Variants in NCAM2 observed in about 807,000 individuals in gnomAD.
NCAM2 encodes neural cell adhesion molecule 2.
A neutral mutation model predicts 98.1 loss-of-function variants in NCAM2; 30 were observed. That is an observed-to-expected ratio of 0.31 (90% CI 0.23 to 0.41). The LOEUF is 0.41. Ranked by LOEUF, NCAM2 falls within the 10% of genes least tolerant of loss-of-function variation. The pLI is 1.00. For missense variants in NCAM2, 867 were observed against 1,005.8 expected (o/e 0.86, Z 1.87); for synonymous variants, 368 against 342.4 (o/e 1.07, Z -0.83).
chr21:21,490,820 T>TAAG (rs1321881740), intron 15 of NCAM2, among the ~76,000 whole-genome samples: 1 of 151,860 alleles, frequency 6.6e-6, no homozygotes, highest in East Asian at 1.9e-4. Flanking sequence ...AAGTATGCTA[T>TAAG]AAGTGTATTG....
chr21:21,287,791 T>A (rs559650343), intron 4 of NCAM2, among the ~76,000 whole-genome samples: 1 of 152,050 alleles, frequency 6.6e-6, no homozygotes, highest in African/African-American at 2.4e-5. Flanking sequence ...CAGGACTAAA[T>A]GACGTACAGC....
At chr21:21,335,719 T>A (rs770072021) in intron 7 of NCAM2, 54 bp downstream of exon 7, 165 of 1,349,192 alleles carry the variant, frequency 1.2e-4, no homozygotes, top group African/African-American at 2.8e-4. Context: ...AAGATCAGAG[T>A]GAAATTCTAC....
chr21:21,332,679 C>A (rs1231545214), intron 6 of NCAM2, among the ~76,000 whole-genome samples: 1 of 152,100 alleles, frequency 6.6e-6, no homozygotes, highest in Non-Finnish European at 1.5e-5. Flanking sequence ...CTAACCTGCA[C>A]CTTCTGTCGC....
intron 8 of NCAM2, among the ~76,000 whole-genome samples, chr21:21,366,121 T>C (rs1232270865): frequency 6.6e-6 from 1 of 152,074 alleles, no homozygotes; most frequent in Non-Finnish European, 1.5e-5. Context: ...TCCCAAAATA[T>C]TCTGAGTTTC....
intron 1 of NCAM2, among the ~76,000 whole-genome samples, chr21:21,272,502 G>GCA (rs1568867287): frequency 0.046 from 2,561 of 55,674 alleles, 73 homozygotes; most frequent in African/African-American, 0.12. Context: ...ACACATGCGC[G>GCA]CGCGCGCACA....
At chr21:21,165,259 C>T (rs1471982642) in intron 1 of NCAM2, among the ~76,000 whole-genome samples, 2 of 152,126 alleles carry the variant, frequency 1.3e-5, no homozygotes, top group Admixed American at 6.5e-5. Flanking sequence ...TGAATGACAG[C>T]ACATGCAAAG....
intron 1 of NCAM2, among the ~76,000 whole-genome samples, chr21:21,175,782 T>C (rs2068266240): frequency 6.6e-6 from 1 of 152,172 alleles, no homozygotes; most frequent in Non-Finnish European, 1.5e-5. Flanking sequence ...TAAAATTCAG[T>C]GTTAGTGATC....
intron 1 of NCAM2, among the ~76,000 whole-genome samples, chr21:21,196,145 C>G (rs2068997094): frequency 6.6e-6 from 1 of 152,168 alleles, no homozygotes; most frequent in Non-Finnish European, 1.5e-5. Context: ...AAAGCCCACT[C>G]AGTTCCCACT....
intron 15 of NCAM2, among the ~76,000 whole-genome samples, chr21:21,497,104 C>T (rs1987295871): frequency 6.6e-6 from 1 of 152,084 alleles, no homozygotes; most frequent in African/African-American, 2.4e-5. Context: ...CAAATTAACT[C>T]AGCAACAGAA....
intron 8 of NCAM2, among the ~76,000 whole-genome samples, chr21:21,349,486 T>G (rs550516182): frequency 1.3e-5 from 2 of 151,554 alleles, no homozygotes; most frequent in Non-Finnish European, 2.9e-5. Flanking sequence ...AGTGGGGAGG[T>G]AAAATAGTAA....
intron 1 of NCAM2, among the ~76,000 whole-genome samples, chr21:21,136,464 C>CTT (rs10540758): frequency 4.8e-5 from 7 of 146,860 alleles, no homozygotes; most frequent in Admixed American, 2.0e-4. Context: ...CAATTTATCT[C>CTT]TTTTTTTTTT....
chr21:21,239,866 A>G (rs1458688140), intron 1 of NCAM2, among the ~76,000 whole-genome samples: 1 of 152,108 alleles, frequency 6.6e-6, no homozygotes, highest in African/African-American at 2.4e-5. Flanking sequence ...TTGTGTCTAT[A>G]TTTATATAAA....
intron 10 of NCAM2, among the ~76,000 whole-genome samples, chr21:21,412,417 A>T (rs1462632559): frequency 2.0e-5 from 3 of 152,324 alleles, no homozygotes; most frequent in Non-Finnish European, 4.4e-5. Context: ...GGAGGCGGGC[A>T]GTTCAGTCCA....
chr21:21,303,452 A>G (rs1447398986), intron 5 of NCAM2, among the ~76,000 whole-genome samples: 1 of 152,026 alleles, frequency 6.6e-6, no homozygotes, highest in Non-Finnish European at 1.5e-5. Flanking sequence ...ATGCCATAAT[A>G]TGTCATCTCT....
intron 1 of NCAM2, among the ~76,000 whole-genome samples, chr21:21,207,251 C>T (rs1377769360): frequency 6.6e-6 from 1 of 152,036 alleles, no homozygotes; most frequent in Non-Finnish European, 1.5e-5. Context: ...TTAGCGTTCT[C>T]GAGCTTTAAT....
intron 15 of NCAM2, among the ~76,000 whole-genome samples, chr21:21,490,039 T>C (rs1471385321): frequency 2.0e-5 from 3 of 152,184 alleles, no homozygotes; most frequent in African/African-American, 7.2e-5. Context: ...TTAATATCCA[T>C]GCTTTGTTTT....
At chr21:21,313,308 A>G (rs2074116862) in intron 5 of NCAM2, among the ~76,000 whole-genome samples, 1 of 151,840 alleles carries the variant, frequency 6.6e-6, no homozygotes, top group Non-Finnish European at 1.5e-5. Context: ...GCTATCCCAA[A>G]GAGTAATTGT....
chr21:21,526,154 TA>T (rs1364450447), intron 16 of NCAM2, among the ~76,000 whole-genome samples: 1 of 151,906 alleles, frequency 6.6e-6, no homozygotes. Flanking sequence ...AGAAAGGAAA[TA>T]AAAGGCATAT....
chr21:21,504,517 G>A (rs537872954), intron 15 of NCAM2, among the ~76,000 whole-genome samples: 5 of 151,910 alleles, frequency 3.3e-5, no homozygotes, highest in South Asian at 2.1e-4. Flanking sequence ...AGTAGTGCCC[G>A]AATCTTAATG....
Sources: allele counts gnomAD v4.1 joint callset (sites outside exome capture counted in the v4.1 genomes callset), GRCh38; gene constraint gnomAD v4.1.1; transcripts MANE v1.5; gene names NCBI Gene and HGNC (gene_info 2026-07-23, HGNC 2026-07-21).